The following YTHDC1 variants were observed in gnomAD, a reference collection of about 807,000 sequenced individuals.
YTHDC1 encodes the protein YTH N6-methyladenosine RNA binding protein C1, also known as YTH domain-containing protein 1.
A neutral mutation model predicts 107.0 loss-of-function variants in YTHDC1; 12 were observed. The ratio of observed to expected loss-of-function variants is 0.11; its 90% CI spans 0.07 to 0.18. The LOEUF (loss-of-function observed/expected upper bound fraction) is 0.18. Ranked by LOEUF, YTHDC1 falls within the 10% of genes least tolerant of loss-of-function variation. The pLI, the probability that YTHDC1 is intolerant of heterozygous loss-of-function variation, is 1.00. For missense variants in YTHDC1, 635 were observed against 898.8 expected (o/e 0.71, Z 3.75); for synonymous variants, 280 against 289.5 (o/e 0.97, Z 0.33).
At chr4:68,349,545 G>A (rs1372198535) in intron 1 of YTHDC1, among the ~76,000 whole-genome samples, 181 bp downstream of exon 1, 1 of 151,818 alleles carries the variant, frequency 6.6e-6, no homozygotes, top group Non-Finnish European at 1.5e-5. Flanking sequence ...GGAGACTGAG[G>A]ACGAAAGGGC....
At chr4:68,332,329 C>A in intron 6 of YTHDC1, 132 bp from the exon 7 acceptor site, 1 of 513,142 alleles carries the variant, frequency 1.9e-6, no homozygotes, top group South Asian at 3.7e-5. Context: ...CCCATTCAAC[C>A]TGGAAGGCTA....
At chr4:68,330,421 G>T in intron 7 of YTHDC1, 111 bp from the exon 8 acceptor site, 2 of 621,076 alleles carry the variant, frequency 3.2e-6, no homozygotes, top group Non-Finnish European at 5.1e-6. Context: ...ATTTAAGTAA[G>T]CTATAATGAA....
At position 68,337,764 on chromosome 4, in the gene YTHDC1, T is replaced by C. The variant is rs1289262699; in HGVS notation, c.267A>G (p.Gly89=). ...SNNKRIVSTK[G]KSATEYKNEE... ...CATTTTTATACTCTGTGGCTGACTT[T>C]CCTTTTGTACTAACTATTCTTTTGT... The change falls in exon 3 of 17, where the codon GGA becomes GGG. Residue 89 remains glycine (G), a synonymous_variant. Coordinates refer to ENST00000344157, the MANE Select transcript of YTHDC1 (RefSeq NM_001031732.4). 6.2e-7 allele frequency: 1 copy of C among 1,614,158 alleles called. No individual in the cohort carries two copies. The highest frequency in any genetic ancestry group is 8.5e-7 in the Non-Finnish European group (1 of 1,180,030).
Position 68,349,807 on chromosome 4 carries a change from C to G in YTHDC1, c.-54G>C. ...CCGCCGCCGCCGCTTAGACGCGACT[C>G]GCGCGGGCGCCGCAGCCGCGGCAGA... On this transcript the variant is annotated 5_prime_UTR_variant, in exon 1 of 17. Transcript: ENST00000344157. The G allele has an allele frequency of 8.7e-6, 14 of 1,610,232 alleles. No individual in the cohort carries two copies. The highest frequency in any genetic ancestry group is 1.2e-5 in the Non-Finnish European group (14 of 1,178,252).
chr4:68,330,814 G>A (rs1560487624), intron 7 of YTHDC1, among the ~76,000 whole-genome samples: 1 of 151,526 alleles, frequency 6.6e-6, no homozygotes, highest in African/African-American at 2.4e-5. Flanking sequence ...TAGTTTGACT[G>A]AAGAGGCCTA....
intron 10 of YTHDC1, among the ~76,000 whole-genome samples, 178 bp downstream of exon 10, chr4:68,323,961 C>T (rs192882795): frequency 6.6e-6 from 1 of 152,294 alleles, no homozygotes; most frequent in East Asian, 1.9e-4. Context: ...TATATTTCAA[C>T]ATTAATGGAT....
At chr4:68,330,752 ATTTAAGTTCGTT>A (rs1411360268) in intron 7 of YTHDC1, among the ~76,000 whole-genome samples, 1 of 152,090 alleles carries the variant, frequency 6.6e-6, no homozygotes, top group East Asian at 1.9e-4. Context: ...GCATTTTTCT[ATTTAAGTTCGTT>A]TTTTAAAGCA....
At chr4:68,349,659 C>G in intron 1 of YTHDC1, 67 bp downstream of exon 1, 1 of 632,642 alleles carries the variant, frequency 1.6e-6, no homozygotes, top group Non-Finnish European at 2.7e-6. Flanking sequence ...CAACGACGAC[C>G]ACTGCTCCAT....
chr4:68,336,292 T>C (rs1052648015), intron 4 of YTHDC1, among the ~76,000 whole-genome samples: 1 of 152,142 alleles, frequency 6.6e-6, no homozygotes, highest in Non-Finnish European at 1.5e-5. Flanking sequence ...TAGTGCTCTG[T>C]AAGTACCCTG....
chr4:68,314,565 T>C (rs1329166360), intron 16 of YTHDC1, among the ~76,000 whole-genome samples: 3 of 152,232 alleles, frequency 2.0e-5, no homozygotes, highest in African/African-American at 7.2e-5. Context: ...CAACAGATTA[T>C]TCAAATCTCT....
chr4:68,342,264 A>G (rs920170187), intron 1 of YTHDC1, among the ~76,000 whole-genome samples: 4 of 152,150 alleles, frequency 2.6e-5, no homozygotes, highest in South Asian at 2.1e-4. Flanking sequence ...TTCATTGACA[A>G]GTCTCGTTGA....
At position 68,314,124 on chromosome 4, in the gene YTHDC1, C is replaced by G. The variant is rs150859221; in HGVS notation, c.2159G>C (p.Gly720Ala). The change falls in exon 17 of 17, where the codon GGG becomes GCG. Residue 720 changes from glycine to alanine, a missense_variant. Coordinates refer to ENST00000344157, the MANE Select transcript of YTHDC1 (RefSeq NM_001031732.4). ...ERLCDRDRDR[G>A]ERGRYRR is the part of the protein sequence containing the mutation. ...TTATCTTCTATATCGACCTCTCTCC[C>G]CTCGGTCTCTGTCTCGATCACATAA... is the stretch of plus-strand genomic sequence containing the variant. 16 of 1,613,998 alleles carry G rather than the reference C, an allele frequency of 9.9e-6. No homozygotes were observed. The African/African-American group carries it at 1.9e-4, about 19-fold the overall frequency.
chr4:68,348,903 A>T (rs1333519902), intron 1 of YTHDC1, among the ~76,000 whole-genome samples: 1 of 152,244 alleles, frequency 6.6e-6, no homozygotes, highest in Non-Finnish European at 1.5e-5. Flanking sequence ...ACCACTCTCC[A>T]GAGAGACACT....
chr4:68,314,277 G>A lies in YTHDC1; in HGVS notation c.2006C>T (p.Ala669Val), dbSNP rs754708866. Residue 669 changes from alanine (A) to valine (V), a missense_variant, in exon 17 of 17, where the codon GCT becomes GTT. Ala to Val is a moderately conservative substitution (Grantham distance 64). Coordinates refer to ENST00000344157, the MANE Select transcript of YTHDC1 (RefSeq NM_001031732.4). The part of the protein sequence containing the change: ...RVDDFLRRTQ[A>V]VVSGRRSRPR... Reference sequence around the variant, plus strand: ...TCTACTTCTCCGGCCACTGACAACAGCTTGTGTGCGACGAAGGAAATCATC... The same window carrying A: ...TCTACTTCTCCGGCCACTGACAACAACTTGTGTGCGACGAAGGAAATCATC... The A allele has an allele frequency of 6.2e-7, 1 of 1,613,956 alleles. No individual in the cohort carries two copies. The highest frequency in any genetic ancestry group is 1.1e-5 in the South Asian group (1 of 91,074).
intron 7 of YTHDC1, among the ~76,000 whole-genome samples, chr4:68,331,565 AAATT>A (rs555216439): frequency 4.6e-4 from 70 of 152,284 alleles, no homozygotes; most frequent in African/African-American, 1.7e-3. Flanking sequence ...CATAAAAAGA[AAATT>A]ATTATCTTAC....
intron 16 of YTHDC1, 22 bp from the exon 17 acceptor site, chr4:68,314,345 T>C: frequency 6.2e-7 from 1 of 1,612,166 alleles, no homozygotes; most frequent in East Asian, 2.2e-5. Flanking sequence ...AAGAAATGTG[T>C]TAGGTATGTC....
Position 68,331,260 on chromosome 4 carries a change from G to A in YTHDC1, c.1122+843C>T, listed in dbSNP as rs116107039. Among the ~76,000 whole-genome samples the A allele has an allele frequency of 3.1e-3, 473 of 151,968 alleles. 2 individuals carry two copies. The highest frequency in any genetic ancestry group is 0.011 in the African/African-American group (449 of 41,420). On this transcript the variant is annotated intron_variant, in intron 7 of 16. Coordinates refer to ENST00000344157, the MANE Select transcript of YTHDC1 (RefSeq NM_001031732.4). ...ATATTTCAATCCAGTTAGTTAAATC[G>A]AAAGATGAGGAACCCTGTGGATACC... is the stretch of plus-strand genomic sequence containing the variant.
intron 4 of YTHDC1, among the ~76,000 whole-genome samples, chr4:68,334,634 G>A (rs957527540): frequency 6.6e-6 from 1 of 152,068 alleles, no homozygotes; most frequent in South Asian, 2.1e-4. Flanking sequence ...TTTCCCCCAT[G>A]GATATTTCTT....
At chr4:68,317,475 A>G (rs1301794321) in intron 15 of YTHDC1, among the ~76,000 whole-genome samples, 1 of 152,200 alleles carries the variant, frequency 6.6e-6, no homozygotes, top group Non-Finnish European at 1.5e-5. Context: ...AAAGACATAA[A>G]TTAAAATGTA....
Sources: gnomAD v4.1 joint callset for allele counts (sites outside exome capture counted in the v4.1 genomes callset) on GRCh38, gnomAD v4.1.1 for gene constraint, MANE v1.5 for transcripts, NCBI Gene and HGNC (gene_info 2026-07-23, HGNC 2026-07-21) for gene names.